PLCL1: variants seen among roughly 807,000 people sequenced by gnomAD.
PLCL1 encodes the protein inactive phospholipase C-like protein 1.
In PLCL1, 41 loss-of-function variants were observed where a neutral mutation model predicts 84.4. The observed-to-expected ratio is 0.49, with a 90% confidence interval of 0.38 to 0.63. The LOEUF is 0.63. Ranked by LOEUF, PLCL1 falls within the 30% of genes least tolerant of loss-of-function variation. The probability of loss-of-function intolerance (pLI) is 0.00; values close to 1 mark genes in which losing one functional copy is unlikely to be tolerated. For missense variants in PLCL1, 1,206 were observed against 1,367.8 expected, an observed-to-expected ratio of 0.88 and a Z score of 1.87; for synonymous variants, 490 against 488.3, an observed-to-expected ratio of 1.00 and a Z score of -0.05.
At chr2:197,877,656 T>C (rs1349648527) in intron 1 of PLCL1, among the ~76,000 whole-genome samples, 2 of 152,158 alleles carry the variant, frequency 1.3e-5, no homozygotes, top group East Asian at 1.9e-4. Flanking sequence ...TTTAAAATGA[T>C]GGTAATTCTA....
rs1690429127 is a variant in PLCL1, at chr2:197,804,775, G to A, written c.-325G>A. Reference sequence around the variant, plus strand: ...GGTGCCTTTTGTCTGGCGCAGGGCCGGCGTTTGCATCACATTTCGGATACC... The same window carrying A: ...GGTGCCTTTTGTCTGGCGCAGGGCCAGCGTTTGCATCACATTTCGGATACC... On this transcript the variant is annotated 5_prime_UTR_variant, in exon 1 of 6. Coordinates refer to ENST00000428675, the MANE Select transcript of PLCL1 (RefSeq NM_006226.4). The A allele has an allele frequency of 8.9e-6, 2 of 224,172 alleles. No homozygotes were observed. The allele number at this position is 224,172 out of a possible 1,614,324, so 13.9% of individuals were successfully genotyped here.
In PLCL1 at chr2:198,046,321, G is replaced by A. The variant is rs569501317; in HGVS notation, c.241-37437G>A. On this transcript the variant is annotated intron_variant, in intron 1 of 5. Coordinates refer to ENST00000428675, the MANE Select transcript of PLCL1 (RefSeq NM_006226.4). ...TAGTACTGTATTTCTTAAACCTGAT[G>A]GTATACTATTGTTTAACATGTCAAT... Among the ~76,000 whole-genome samples, 4 of 152,090 alleles carry A rather than the reference G, an allele frequency of 2.6e-5. No homozygotes were observed. The East Asian group carries it at 7.7e-4, about 29-fold the overall frequency.
At chr2:198,063,095 C>T (rs1256568744) in intron 1 of PLCL1, among the ~76,000 whole-genome samples, 1 of 152,150 alleles carries the variant, frequency 6.6e-6, no homozygotes, top group Non-Finnish European at 1.5e-5. Flanking sequence ...GTTCCAGTCT[C>T]ATTTAATAGC....
intron 1 of PLCL1, among the ~76,000 whole-genome samples, chr2:197,809,445 A>G (rs780397700): frequency 3.9e-5 from 6 of 152,180 alleles, no homozygotes; most frequent in Non-Finnish European, 7.3e-5. Flanking sequence ...CTTAGGTCCT[A>G]TGGTTTGTGG....
At chr2:197,954,132 A>C (rs953184611) in intron 1 of PLCL1, among the ~76,000 whole-genome samples, 1 of 152,136 alleles carries the variant, frequency 6.6e-6, no homozygotes, top group Admixed American at 6.6e-5. Flanking sequence ...CATGAGAGAC[A>C]ATATGGAGGG....
At chr2:197,902,694 T>C (rs1050874269) in intron 1 of PLCL1, among the ~76,000 whole-genome samples, 4 of 152,210 alleles carry the variant, frequency 2.6e-5, no homozygotes, top group African/African-American at 9.7e-5. Context: ...CTTTTCCATG[T>C]GCATACATGT....
intron 5 of PLCL1, among the ~76,000 whole-genome samples, chr2:198,118,568 T>C (rs1329226479): frequency 6.6e-6 from 1 of 152,040 alleles, no homozygotes; most frequent in Non-Finnish European, 1.5e-5. Flanking sequence ...GAATTTTCAT[T>C]GAAGTTAAAC....
At chr2:198,064,272 C>T (rs1054120620) in intron 1 of PLCL1, among the ~76,000 whole-genome samples, 10 of 152,138 alleles carry the variant, frequency 6.6e-5, no homozygotes, top group African/African-American at 2.4e-4. Context: ...AGTTTGTTTA[C>T]CTTCCATAAG....
At chr2:197,942,324 C>T (rs1689174490) in intron 1 of PLCL1, among the ~76,000 whole-genome samples, 1 of 152,154 alleles carries the variant, frequency 6.6e-6, no homozygotes, top group African/African-American at 2.4e-5. Context: ...TGCCTTTTAA[C>T]AAACGTAGAT....
rs529108068 is a variant in PLCL1, at chr2:198,148,720, C to T, written c.*1758C>T. On this transcript the variant is annotated 3_prime_UTR_variant, in exon 6 of 6. Coordinates refer to ENST00000428675, the MANE Select transcript of PLCL1 (RefSeq NM_006226.4). Reference sequence around the variant, plus strand: ...GTTCTATAGACAGAAACAAAACCCACCTTACATCAGCTGATTGGTTGATTT... The same window carrying T: ...GTTCTATAGACAGAAACAAAACCCATCTTACATCAGCTGATTGGTTGATTT... 4 of 152,370 alleles carry T rather than the reference C, an allele frequency of 2.6e-5. No homozygotes were observed. The South Asian group carries it at 8.3e-4, about 32-fold the overall frequency. The allele number at this position is 152,370 out of a possible 1,614,324, so 9.4% of individuals were successfully genotyped here. A position where few individuals can be genotyped will look rare whatever the true frequency, so the allele number is the denominator to read the frequency against.
intron 1 of PLCL1, among the ~76,000 whole-genome samples, chr2:197,924,744 G>A (rs1020376255): frequency 8.6e-5 from 13 of 152,028 alleles, no homozygotes; most frequent in Non-Finnish European, 1.6e-4. Context: ...ATCTGGGGGG[G>A]TCATGAGTAG....
At chr2:197,935,048 G>A (rs959637794) in intron 1 of PLCL1, among the ~76,000 whole-genome samples, 6 of 152,018 alleles carry the variant, frequency 3.9e-5, no homozygotes, top group South Asian at 2.1e-4. Context: ...AACATCACTC[G>A]TCATTTGAGA....
intron 1 of PLCL1, among the ~76,000 whole-genome samples, chr2:197,844,559 A>G (rs1687084021): frequency 6.6e-6 from 1 of 152,170 alleles, no homozygotes; most frequent in Non-Finnish European, 1.5e-5. Flanking sequence ...GAAACTGAGT[A>G]TAAAATGTCT....
At chr2:197,861,231 A>G (rs1687429110) in intron 1 of PLCL1, among the ~76,000 whole-genome samples, 1 of 152,184 alleles carries the variant, frequency 6.6e-6, no homozygotes, top group African/African-American at 2.4e-5. Context: ...GATAAAGTTT[A>G]AGTTGATCAC....
chr2:197,935,507 G>A (rs1028324927), intron 1 of PLCL1, among the ~76,000 whole-genome samples: 1 of 152,052 alleles, frequency 6.6e-6, no homozygotes, highest in African/African-American at 2.4e-5. Context: ...GTGAACTAAT[G>A]CAGGAACATA....
chr2:198,148,478 T>TTA lies in PLCL1; in HGVS notation c.*1517_*1518dup, dbSNP rs1694579100. The TTA allele has an allele frequency of 6.6e-6, 1 of 152,336 alleles. No individual in the cohort carries two copies. The highest frequency in any genetic ancestry group is 6.5e-5 in the Admixed American group (1 of 15,282). The allele number at this position is 152,336 out of a possible 1,614,324, so 9.4% of individuals were successfully genotyped here. ...AATGGGTTACTACATCAAAAATATC[T>TTA]TAAAGAGTTTGCTATTTCCATGGAC... On this transcript the variant is annotated 3_prime_UTR_variant, in exon 6 of 6. Coordinates refer to ENST00000428675, the MANE Select transcript of PLCL1 (RefSeq NM_006226.4).
At chr2:197,849,665 ATG>A (rs202045069) in intron 1 of PLCL1, among the ~76,000 whole-genome samples, 1 of 137,176 alleles carries the variant, frequency 7.3e-6, no homozygotes, top group Non-Finnish European at 1.7e-5. Context: ...TAACCTTAAA[ATG>A]TTTTTTTTCT....
chr2:198,049,128 A>G (rs1282929359), intron 1 of PLCL1, among the ~76,000 whole-genome samples: 1 of 152,204 alleles, frequency 6.6e-6, no homozygotes, highest in Admixed American at 6.5e-5. Context: ...ATCTCATAGA[A>G]TGAATCATAG....
At chr2:198,064,235 A>G (rs1173074312) in intron 1 of PLCL1, among the ~76,000 whole-genome samples, 1 of 152,128 alleles carries the variant, frequency 6.6e-6, no homozygotes, top group Middle Eastern at 3.2e-3. Flanking sequence ...CTAGTCCTCC[A>G]AGTTCCATTA....
Sources: gnomAD v4.1 joint callset for allele counts (sites outside exome capture counted in the v4.1 genomes callset) on GRCh38, gnomAD v4.1.1 for gene constraint, MANE v1.5 for transcripts, NCBI Gene and HGNC (gene_info 2026-07-23, HGNC 2026-07-21) for gene names.